Variants in CAMTA1 observed in about 807,000 individuals in gnomAD.
The protein encoded by CAMTA1 is calmodulin-binding transcription activator 1.
In CAMTA1, 27 loss-of-function variants were observed where a neutral mutation model predicts 170.9. That is an observed-to-expected ratio of 0.16 (90% CI 0.12 to 0.22). The LOEUF is 0.22. CAMTA1 is among the 10% of genes least tolerant of loss of function. The pLI, the probability that CAMTA1 is intolerant of heterozygous loss-of-function variation, is 1.00. For missense variants in CAMTA1, 1,619 were observed against 2,217.2 expected, an observed-to-expected ratio of 0.73 and a Z score of 5.42; for synonymous variants, 833 against 891.5, an observed-to-expected ratio of 0.93 and a Z score of 1.17.
rs377104355 is a variant in CAMTA1, at chr1:7,480,396, A to AGT, written c.510+12515_510+12516dup. ...GAGTGCCTGCATGTGCGTATATGAG[A>AGT]GTGTGTGTGTGTGTGTGTGTGAGAG... On this transcript the variant is annotated intron_variant, in intron 6 of 22. Coordinates refer to ENST00000303635, the MANE Select transcript of CAMTA1 (RefSeq NM_015215.4). 1.3e-3 allele frequency among the ~76,000 whole-genome samples: 188 copies of AGT among 149,720 alleles called. 1 individual carries two copies. The highest frequency in any genetic ancestry group is 7.5e-3 in the South Asian group (35 of 4,694).
At chr1:6,869,849 T>C (rs1310858580) in intron 3 of CAMTA1, among the ~76,000 whole-genome samples, 1 of 152,168 alleles carries the variant, frequency 6.6e-6, no homozygotes, top group Non-Finnish European at 1.5e-5. Context: ...GTTCAGGTAG[T>C]CTGGTGTCTG....
intron 4 of CAMTA1, among the ~76,000 whole-genome samples, chr1:7,136,306 C>T (rs764039726): frequency 7.9e-5 from 12 of 152,240 alleles, no homozygotes; most frequent in East Asian, 3.8e-4. Flanking sequence ...TGCACCCACA[C>T]GGCAGCCTTC....
intron 3 of CAMTA1, among the ~76,000 whole-genome samples, chr1:6,906,085 T>C (rs1462864920): frequency 6.6e-6 from 1 of 152,162 alleles, no homozygotes; most frequent in Non-Finnish European, 1.5e-5. Context: ...TCACCCACGG[T>C]CTTTTCTGAC....
At chr1:7,518,541 G>A (rs1221284902) in intron 6 of CAMTA1, among the ~76,000 whole-genome samples, 3 of 151,962 alleles carry the variant, frequency 2.0e-5, no homozygotes, top group East Asian at 3.9e-4. Context: ...GAAGACAGCC[G>A]ATGAACAGAG....
chr1:7,565,067 G>A lies in CAMTA1; in HGVS notation c.511-75333G>A, dbSNP rs1453703911. 6.6e-6 allele frequency among the ~76,000 whole-genome samples: 1 copy of A among 151,964 alleles called. No homozygotes were observed. Among genetic ancestry groups the A allele is most frequent in the East Asian group, 2.0e-4 (1 of 5,122 alleles). On this transcript the variant is annotated intron_variant, in intron 6 of 22. Transcript: ENST00000303635. This position sits in a 1 kb window ranked among gnomAD's most constrained non-coding sequence, Gnocchi z 4.5. The stretch of plus-strand genomic sequence containing the variant: ...GGGCAAGGCCCCTCAGGGAGGTGAG[G>A]GACCCAAAGCAGAGGGGCTGTGGGT...
intron 3 of CAMTA1, among the ~76,000 whole-genome samples, chr1:7,066,347 TACAGTGTGGGACAAGGCAC>T (rs1262471086): frequency 6.6e-6 from 1 of 152,192 alleles, no homozygotes; most frequent in East Asian, 1.9e-4. Flanking sequence ...CCCCGGGATC[TACAGTGTGGGACAAGGCAC>T]ACACACTTTT....
rs2092954725 is a variant in CAMTA1 at position 7,456,398 on chromosome 1, G to T, written c.439-11432G>T. Among the ~76,000 whole-genome samples the T allele has an allele frequency of 6.6e-6, 1 of 152,194 alleles. No homozygotes were observed. The highest frequency in any genetic ancestry group is 2.4e-5 in the African/African-American group (1 of 41,452). On this transcript the variant is annotated intron_variant, in intron 5 of 22. Coordinates refer to ENST00000303635, the MANE Select transcript of CAMTA1 (RefSeq NM_015215.4). The surrounding 1 kb of genome is among the most constrained non-coding windows in gnomAD (Gnocchi z 4.9). Reference sequence around the variant, plus strand: ...GGGCTCCAAGAAATAGGTCTCAGCGGTACATTTTGATGAAAGAGAGGGAAT... The same window carrying T: ...GGGCTCCAAGAAATAGGTCTCAGCGTTACATTTTGATGAAAGAGAGGGAAT...
chr1:6,828,120 G>A (rs925824204), intron 3 of CAMTA1, among the ~76,000 whole-genome samples: 1 of 152,064 alleles, frequency 6.6e-6, no homozygotes, highest in Non-Finnish European at 1.5e-5. Flanking sequence ...GTGTGTGCTC[G>A]CTCGCTCTCT....
chr1:7,506,430 CA>C (rs2094110508), intron 6 of CAMTA1, among the ~76,000 whole-genome samples: 4 of 77,500 alleles, frequency 5.2e-5, no homozygotes, highest in African/African-American at 1.6e-4. Flanking sequence ...CTCATGCTCA[CA>C]CTCAAAATTC....
chr1:7,644,945 G>T (rs2095792948), intron 7 of CAMTA1, among the ~76,000 whole-genome samples: 1 of 152,220 alleles, frequency 6.6e-6, no homozygotes, highest in Non-Finnish European at 1.5e-5. Flanking sequence ...CCAAGGCCTG[G>T]CAATGACTGT....
At chr1:7,657,284 C>T (rs1205823940) in intron 7 of CAMTA1, among the ~76,000 whole-genome samples, 1 of 152,202 alleles carries the variant, frequency 6.6e-6, no homozygotes, top group East Asian at 1.9e-4. Context: ...CCAGGGACCA[C>T]CACCAAGGCT....
chr1:7,542,838 A>AGTTTGTGTGTGTGTGTGTGTGT (rs745940570), intron 6 of CAMTA1, among the ~76,000 whole-genome samples: 1 of 56,002 alleles, frequency 1.8e-5, no homozygotes, highest in South Asian at 4.3e-4. Flanking sequence ...CCTAAAACAC[A>AGTTTGTGTGTGTGTGTGTGTGT]GTGTGTGTGT....
At chr1:7,199,078 C>T (rs1656132127) in intron 4 of CAMTA1, among the ~76,000 whole-genome samples, 1 of 152,162 alleles carries the variant, frequency 6.6e-6, no homozygotes, top group South Asian at 2.1e-4. Context: ...CTCCCCTAAG[C>T]GCCTGGAGGT....
chr1:7,584,402 T>G (rs2095290521), intron 6 of CAMTA1, among the ~76,000 whole-genome samples: 1 of 151,926 alleles, frequency 6.6e-6, no homozygotes, highest in South Asian at 2.1e-4. Flanking sequence ...GGAGATGATG[T>G]GGAGGGTGGT....
intron 6 of CAMTA1, among the ~76,000 whole-genome samples, chr1:7,578,772 G>A (rs1245960296): frequency 6.6e-6 from 1 of 152,166 alleles, no homozygotes; most frequent in Non-Finnish European, 1.5e-5. Context: ...GAGGCACTAC[G>A]TGGCAAGAGA....
chr1:6,930,936 C>T (rs938916833), intron 3 of CAMTA1, among the ~76,000 whole-genome samples: 4 of 152,226 alleles, frequency 2.6e-5, no homozygotes, highest in Non-Finnish European at 4.4e-5. Context: ...GCCTTGGCTC[C>T]GCCGCGTCTC....
chr1:7,488,128 T>C lies in CAMTA1; in HGVS notation c.510+20227T>C, dbSNP rs529601108. Among the ~76,000 whole-genome samples, 3 of 152,282 alleles carry C rather than the reference T, an allele frequency of 2.0e-5. No individual in the cohort carries two copies. In the South Asian group the frequency reaches 6.2e-4, roughly 32 times the overall value. The stretch of plus-strand genomic sequence containing the variant: ...CTCTCTAGAATCTCTCTAAAATCTC[T>C]CTGGAGCCTTTCTGGAATCTCCCTC... On this transcript the variant is annotated intron_variant, in intron 6 of 22. Coordinates refer to ENST00000303635, the MANE Select transcript of CAMTA1 (RefSeq NM_015215.4).
At chr1:7,626,826 A>G (rs556797871) in intron 6 of CAMTA1, among the ~76,000 whole-genome samples, 1 of 152,090 alleles carries the variant, frequency 6.6e-6, no homozygotes, top group Non-Finnish European at 1.5e-5. Context: ...CACCTTCACT[A>G]CTCTCTGTTC....
At chr1:7,024,755 T>A (rs1701812532) in intron 3 of CAMTA1, among the ~76,000 whole-genome samples, 1 of 152,212 alleles carries the variant, frequency 6.6e-6, no homozygotes, top group Non-Finnish European at 1.5e-5. Context: ...GCTTACCTCC[T>A]ATTAATAAGG....
Sources: allele counts gnomAD v4.1 joint callset (sites outside exome capture counted in the v4.1 genomes callset), GRCh38; gene constraint gnomAD v4.1.1; non-coding constraint Gnocchi (gnomAD v3.1); transcripts MANE v1.5; gene names NCBI Gene and HGNC (gene_info 2026-07-23, HGNC 2026-07-21).